Variants in SAP130 observed in about 807,000 individuals in gnomAD.
The protein encoded by SAP130 is histone deacetylase complex subunit SAP130.
A neutral mutation model predicts 103.2 loss-of-function variants in SAP130; 16 were observed. That is an observed-to-expected ratio of 0.16 (90% CI 0.10 to 0.24). The LOEUF (loss-of-function observed/expected upper bound fraction) is 0.24, where lower values mean the gene tolerates loss of function less well. SAP130 is among the 10% of genes least tolerant of loss of function. The probability of loss-of-function intolerance (pLI) is 1.00; values close to 1 mark genes in which losing one functional copy is unlikely to be tolerated. For missense variants in SAP130, 990 were observed against 1,359.7 expected (o/e 0.73, Z 4.28); for synonymous variants, 477 against 497.0 (o/e 0.96, Z 0.53).
chr2:127,941,701 G>T lies in SAP130; in HGVS notation c.*305C>A. 3 of 377,642 alleles carry T rather than the reference G, an allele frequency of 7.9e-6. No homozygotes were observed. Among genetic ancestry groups the T allele is most frequent in the Non-Finnish European group, 1.4e-5 (3 of 211,308 alleles). 23.4% of individuals were successfully genotyped at this position (377,642 alleles called of 1,614,324 possible). A position where few individuals can be genotyped will look rare whatever the true frequency, so the allele number is the denominator to read the frequency against. ...AATACAGTCTATAAACCGGAAGGCTGAAAAACACCAGCCAGCCATCCTTGT... is the reference window on the plus strand; with the variant it reads ...AATACAGTCTATAAACCGGAAGGCTTAAAAACACCAGCCAGCCATCCTTGT... On this transcript the variant is annotated 3_prime_UTR_variant, in exon 21 of 21. Coordinates refer to ENST00000643581, the MANE Select transcript of SAP130 (RefSeq NM_001330301.2).
In SAP130 at chr2:127,941,955, CCCACCA is replaced by C; in HGVS notation, c.*45_*50del. 2.9e-6 allele frequency: 1 copy of C among 342,826 alleles called. No homozygotes were observed. Among genetic ancestry groups the C allele is most frequent in the Non-Finnish European group, 5.4e-6 (1 of 183,616 alleles). The allele number at this position is 342,826 out of a possible 1,614,324, so 21.2% of individuals were successfully genotyped here. On this transcript the variant is annotated 3_prime_UTR_variant, in exon 21 of 21. Coordinates refer to ENST00000643581, the MANE Select transcript of SAP130 (RefSeq NM_001330301.2). ...AAAAAACCAAAACCCTCCCCCCACCCCCACCATCATTCTTCATAAATTTGCTTCCAA... is the reference window on the plus strand; with the variant it reads ...AAAAAACCAAAACCCTCCCCCCACCCTCATTCTTCATAAATTTGCTTCCAA...
chr2:127,950,468 C>T, intron 16 of SAP130, 60 bp from the exon 17 acceptor site: 2 of 1,576,690 alleles, frequency 1.3e-6, no homozygotes, highest in South Asian at 2.3e-5. Flanking sequence ...GAAAGTTTCA[C>T]TTCCTTCCTT....
chr2:127,949,233 T>G (rs1418997584), intron 18 of SAP130, among the ~76,000 whole-genome samples: 2 of 152,352 alleles, frequency 1.3e-5, no homozygotes, highest in Middle Eastern at 3.4e-3. Context: ...ATCTAGAGGC[T>G]CACATTTCTT....
intron 7 of SAP130, among the ~76,000 whole-genome samples, chr2:128,003,471 C>T (rs958049256): frequency 2.7e-5 from 4 of 147,870 alleles, no homozygotes; most frequent in African/African-American, 9.9e-5. Context: ...TGCGCCACTG[C>T]AACCTTGACT....
At chr2:127,943,698 A>G (rs1355987034) in intron 19 of SAP130, among the ~76,000 whole-genome samples, 1 of 152,226 alleles carries the variant, frequency 6.6e-6, no homozygotes, top group African/African-American at 2.4e-5. Context: ...ACTTACATGA[A>G]TGCAGTCTAC....
intron 15 of SAP130, among the ~76,000 whole-genome samples, chr2:127,969,207 T>C (rs757621212): frequency 6.6e-6 from 1 of 152,188 alleles, no homozygotes; most frequent in Non-Finnish European, 1.5e-5. Context: ...CCATTCTACA[T>C]AATTATTCCA....
intron 15 of SAP130, among the ~76,000 whole-genome samples, chr2:127,970,252 C>T (rs1306172582): frequency 7.3e-6 from 1 of 137,504 alleles, no homozygotes; most frequent in Non-Finnish European, 1.6e-5. Flanking sequence ...TTTAAATTAG[C>T]TGGGCATGGG....
chr2:128,024,984 A>T (rs916967653), intron 2 of SAP130, among the ~76,000 whole-genome samples: 4 of 142,098 alleles, frequency 2.8e-5, no homozygotes, highest in African/African-American at 8.2e-5. Flanking sequence ...CTTGAGTGAC[A>T]GAGTGAGACC....
chr2:128,027,155 A>G, intron 1 of SAP130: 1 of 1,334,196 alleles, frequency 7.5e-7, no homozygotes, highest in Non-Finnish European at 9.7e-7. Context: ...GGTGCCGCGG[A>G]GGGCCCATCT....
rs994986050 is a variant in SAP130, at chr2:127,989,356, C to T, written c.1780+208G>A. 1.3e-5 allele frequency among the ~76,000 whole-genome samples: 2 copies of T among 152,084 alleles called. No homozygotes were observed. The highest frequency in any genetic ancestry group is 2.9e-5 in the Non-Finnish European group (2 of 68,008). On this transcript the variant is annotated intron_variant, in intron 13 of 20. Coordinates refer to ENST00000643581, the MANE Select transcript of SAP130 (RefSeq NM_001330301.2). This position sits in a 1 kb window ranked among gnomAD's most constrained non-coding sequence, Gnocchi z 4.6. The stretch of plus-strand genomic sequence containing the variant: ...TCGTGATCCACCCGCCTCAGCCTCC[C>T]AAAGTGCTGGGATTACAGTGAGGTA...
chr2:128,025,244 AC>A (rs1685426608), intron 2 of SAP130, among the ~76,000 whole-genome samples: 1 of 152,232 alleles, frequency 6.6e-6, no homozygotes, highest in Admixed American at 6.5e-5. Context: ...GCTTCCCATT[AC>A]CTTGCAGGAT....
chr2:127,991,513 G>C (rs1682804105), intron 12 of SAP130, among the ~76,000 whole-genome samples: 1 of 151,966 alleles, frequency 6.6e-6, no homozygotes, highest in South Asian at 2.1e-4. Context: ...GCTAATTTTT[G>C]TATTTTTGGT....
chr2:128,027,612 C>G (rs1037595016), intron 1 of SAP130, among the ~76,000 whole-genome samples: 9 of 150,854 alleles, frequency 6.0e-5, no homozygotes, highest in Non-Finnish European at 8.9e-5. Flanking sequence ...GAGCCAAACT[C>G]CCTGGGCCGG....
At chr2:128,008,441 T>C (rs185899763) in intron 7 of SAP130, among the ~76,000 whole-genome samples, 35 of 151,556 alleles carry the variant, frequency 2.3e-4, no homozygotes, top group African/African-American at 8.5e-4. Flanking sequence ...TCATAGCTCC[T>C]AGTAATCTCA....
rs1410453776 is a variant in SAP130 at position 127,986,087 on chromosome 2, G to A, written c.1958+698C>T. ...CCCTACACTCATTCTCCAAGCCCAC[G>A]TGTGATCCCATTCTTCCAGTACACC... On this transcript the variant is annotated intron_variant, in intron 14 of 20. Transcript: ENST00000643581. The surrounding 1 kb of genome is among the most constrained non-coding windows in gnomAD (Gnocchi z 4.7). Among the ~76,000 whole-genome samples the A allele has an allele frequency of 4.6e-5, 7 of 152,194 alleles. No individual in the cohort carries two copies. Among genetic ancestry groups the A allele is most frequent in the South Asian group, 2.1e-4 (1 of 4,836 alleles).
chr2:127,941,739 C>A lies in SAP130; in HGVS notation c.*267G>T. The A allele has an allele frequency of 2.3e-6, 1 of 438,686 alleles. No homozygotes were observed. Among genetic ancestry groups the A allele is most frequent in the Non-Finnish European group, 4.0e-6 (1 of 249,904 alleles). The allele number at this position is 438,686 out of a possible 1,614,324, so 27.2% of individuals were successfully genotyped here. On this transcript the variant is annotated 3_prime_UTR_variant, in exon 21 of 21. Coordinates refer to ENST00000643581, the MANE Select transcript of SAP130 (RefSeq NM_001330301.2). ...CAGCCATCCTTGTCATTGCTTCCAA[C>A]TGGTGGACACTGATGCATCCGGAGT...
At chr2:128,005,738 CCAGGTTCAAGCGATTCTCCCGCCTCAG>C (rs1307109827) in intron 7 of SAP130, among the ~76,000 whole-genome samples, 1 of 151,976 alleles carries the variant, frequency 6.6e-6, no homozygotes, top group African/African-American at 2.4e-5. Flanking sequence ...CCTCCGCCTC[CCAGGTTCAAGCGATTCTCCCGCCTCAG>C]CTTCCCAAGT....
chr2:127,984,310 C>T (rs1682210646), intron 14 of SAP130, among the ~76,000 whole-genome samples: 1 of 152,158 alleles, frequency 6.6e-6, no homozygotes. Flanking sequence ...CTTATCCTTG[C>T]TCATTTGTTT....
intron 7 of SAP130, among the ~76,000 whole-genome samples, chr2:128,003,488 G>C (rs1231205848): frequency 2.7e-5 from 4 of 146,516 alleles, no homozygotes; most frequent in African/African-American, 5.0e-5. Flanking sequence ...GACTTCTGGG[G>C]TTCAAGGTCT....
Sources: allele counts gnomAD v4.1 joint callset (sites outside exome capture counted in the v4.1 genomes callset), GRCh38; gene constraint gnomAD v4.1.1; non-coding constraint Gnocchi (gnomAD v3.1); transcripts MANE v1.5; gene names NCBI Gene and HGNC (gene_info 2026-07-23, HGNC 2026-07-21).